Variants in GRID2 observed in about 807,000 individuals in gnomAD.
GRID2 encodes the protein glutamate receptor ionotropic, delta-2.
GRID2 carries 33 observed loss-of-function variants against 114.8 expected under a neutral mutation model. The observed-to-expected ratio is 0.29, with a 90% CI of 0.22 to 0.38. The LOEUF is 0.38. GRID2 is among the 10% of genes least tolerant of loss of function. The pLI, the probability that GRID2 is intolerant of heterozygous loss-of-function variation, is 1.00. For synonymous variants in GRID2, 505 were observed against 449.9 expected (o/e 1.12, Z -1.55); for missense variants, 1,184 against 1,257.7 (o/e 0.94, Z 0.89).
intron 13 of GRID2, among the ~76,000 whole-genome samples, chr4:93,575,484 G>A (rs1461888386): frequency 6.6e-6 from 1 of 152,080 alleles, no homozygotes; most frequent in Non-Finnish European, 1.5e-5. Context: ...TGGTTTTGTA[G>A]AAGCCGAATC....
chr4:93,427,765 A>C (rs556591625), intron 10 of GRID2, among the ~76,000 whole-genome samples: 2 of 152,178 alleles, frequency 1.3e-5, no homozygotes, highest in Non-Finnish European at 2.9e-5. Flanking sequence ...AACTAATAAT[A>C]TAGTAAAGTC....
chr4:93,279,122 T>C (rs1009115375), intron 8 of GRID2, among the ~76,000 whole-genome samples: 1 of 151,868 alleles, frequency 6.6e-6, no homozygotes, highest in African/African-American at 2.4e-5. Context: ...GCACTTTAGT[T>C]ACATAAATAA....
At chr4:92,990,716 A>G (rs1056571017) in intron 2 of GRID2, among the ~76,000 whole-genome samples, 1 of 152,168 alleles carries the variant, frequency 6.6e-6, no homozygotes, top group Non-Finnish European at 1.5e-5. Context: ...GAAGAAAAAA[A>G]AATGAAGTCC....
chr4:93,698,556 G>C (rs886437813), intron 14 of GRID2, among the ~76,000 whole-genome samples: 2 of 152,020 alleles, frequency 1.3e-5, no homozygotes, highest in Non-Finnish European at 2.9e-5. Context: ...AAAGCACTTT[G>C]TCTTTTATGT....
chr4:93,081,153 A>G (rs1455461779), intron 2 of GRID2, among the ~76,000 whole-genome samples: 1 of 152,150 alleles, frequency 6.6e-6, no homozygotes, highest in African/African-American at 2.4e-5. Flanking sequence ...TAAAGTCCTG[A>G]TGTGTCTTAA....
intron 1 of GRID2, among the ~76,000 whole-genome samples, chr4:92,416,294 C>T (rs1431238808): frequency 3.9e-5 from 6 of 152,086 alleles, no homozygotes; most frequent in Admixed American, 3.9e-4. Context: ...CTTGTAGATT[C>T]TGGATATTCG....
chr4:93,546,983 A>G (rs1400002618), intron 13 of GRID2, among the ~76,000 whole-genome samples: 3 of 152,166 alleles, frequency 2.0e-5, no homozygotes, highest in African/African-American at 7.2e-5. Flanking sequence ...CATGATGTCT[A>G]GGGTCTTTCT....
chr4:93,158,611 A>G (rs1395543304), intron 4 of GRID2, among the ~76,000 whole-genome samples: 1 of 151,804 alleles, frequency 6.6e-6, no homozygotes, highest in African/African-American at 2.4e-5. Flanking sequence ...TGTTAAATAA[A>G]TGATTTTAAA....
In GRID2 at chr4:93,146,516, T is replaced by A. The variant is rs186822912; in HGVS notation, c.735+35563T>A. ...AAATGGAATTTACGTTCAAATTCAA[T>A]GGACCCATGTGCACAAAGAGTGATA... On this transcript the variant is annotated intron_variant, in intron 4 of 15. Coordinates refer to ENST00000282020, the MANE Select transcript of GRID2 (RefSeq NM_001510.4). 5.3e-5 allele frequency among the ~76,000 whole-genome samples: 8 copies of A among 152,242 alleles called. No individual in the cohort carries two copies. In the East Asian group the frequency reaches 1.5e-3, roughly 29 times the overall value.
intron 3 of GRID2, among the ~76,000 whole-genome samples, chr4:93,103,020 T>C (rs1396659385): frequency 6.6e-6 from 1 of 152,076 alleles, no homozygotes; most frequent in Admixed American, 6.6e-5. Flanking sequence ...GGATGAACTC[T>C]GTCCTGTGCC....
At chr4:92,947,424 A>G (rs2149128539) in intron 2 of GRID2, among the ~76,000 whole-genome samples, 1 of 152,126 alleles carries the variant, frequency 6.6e-6, no homozygotes, top group East Asian at 1.9e-4. Context: ...AAATACAATC[A>G]GATTTGTCAA....
chr4:92,663,233 T>C (rs1387648350), intron 2 of GRID2, among the ~76,000 whole-genome samples: 1 of 151,050 alleles, frequency 6.6e-6, no homozygotes. Context: ...TCCAAGTAAA[T>C]TAACCATAAT....
intron 2 of GRID2, among the ~76,000 whole-genome samples, chr4:92,962,879 A>G (rs1197310897): frequency 2.6e-5 from 4 of 151,912 alleles, no homozygotes; most frequent in Non-Finnish European, 5.9e-5. Context: ...GTAAGTTGCA[A>G]TTCTCCTTAC....
chr4:93,255,472 G>A (rs1392107550), intron 8 of GRID2, among the ~76,000 whole-genome samples: 1 of 152,042 alleles, frequency 6.6e-6, no homozygotes, highest in African/African-American at 2.4e-5. Context: ...GCTATGATGT[G>A]GATTGGTTTG....
intron 8 of GRID2, among the ~76,000 whole-genome samples, chr4:93,260,407 AT>A (rs1233010898): frequency 6.6e-6 from 1 of 151,274 alleles, no homozygotes. Context: ...ATAAAAAAAA[AT>A]ATTAAAATAA....
chr4:93,461,793 T>C (rs1723766942), intron 11 of GRID2, among the ~76,000 whole-genome samples: 1 of 152,168 alleles, frequency 6.6e-6, no homozygotes, highest in African/African-American at 2.4e-5. Context: ...ACTTTTGTTG[T>C]CATTTTATGT....
At chr4:92,505,446 A>G (rs966956068) in intron 1 of GRID2, among the ~76,000 whole-genome samples, 1 of 151,984 alleles carries the variant, frequency 6.6e-6, no homozygotes. Flanking sequence ...TTTGCAAGTT[A>G]ACATATATAA....
chr4:93,064,759 C>A (rs919087213), intron 2 of GRID2, among the ~76,000 whole-genome samples: 2 of 151,876 alleles, frequency 1.3e-5, no homozygotes, highest in Non-Finnish European at 2.9e-5. Flanking sequence ...TTTTCTACTG[C>A]ATCCCAAATA....
At chr4:92,593,949 G>T (rs577792339) in intron 2 of GRID2, among the ~76,000 whole-genome samples, 16 of 150,932 alleles carry the variant, frequency 1.1e-4, no homozygotes, top group South Asian at 2.1e-4. Context: ...ACGTATATGG[G>T]TTATTTTTAA....
Sources: gnomAD v4.1 joint callset for allele counts (sites outside exome capture counted in the v4.1 genomes callset) on GRCh38, gnomAD v4.1.1 for gene constraint, MANE v1.5 for transcripts, NCBI Gene and HGNC (gene_info 2026-07-23, HGNC 2026-07-21) for gene names.